CRPPA: variants seen among roughly 807,000 people sequenced by gnomAD.
CRPPA encodes the protein D-ribitol-5-phosphate cytidylyltransferase.
A neutral mutation model predicts 52.0 loss-of-function variants in CRPPA; 43 were observed. The observed-to-expected ratio is 0.83, with a 90% CI of 0.65 to 1.07. CRPPA has a LOEUF of 1.07. Among genes scored for constraint, CRPPA ranks in the 50% least tolerant of loss-of-function variants. The probability of loss-of-function intolerance (pLI) is 0.00; values close to 1 mark genes in which losing one functional copy is unlikely to be tolerated. For synonymous variants in CRPPA, 250 were observed against 203.5 expected, an observed-to-expected ratio of 1.23 and a Z score of -1.94; for missense variants, 629 against 551.7, an observed-to-expected ratio of 1.14 and a Z score of -1.40.
At chr7:16,241,971 T>TTTTTGGTGGG (rs1783123848) in intron 8 of CRPPA, among the ~76,000 whole-genome samples, 1 of 86,162 alleles carries the variant, frequency 1.2e-5, no homozygotes, top group Admixed American at 1.5e-4. Context: ...TTTTTTTTGT[T>TTTTTGGTGGG]GGGGGGAGAT....
chr7:16,137,660 C>G (rs548054466), intron 9 of CRPPA, among the ~76,000 whole-genome samples: 2 of 152,148 alleles, frequency 1.3e-5, no homozygotes, highest in South Asian at 4.2e-4. Context: ...TTATCTGATC[C>G]CAACAAGACG....
chr7:16,335,080 G>T (rs920250366), intron 3 of CRPPA, among the ~76,000 whole-genome samples: 2 of 150,496 alleles, frequency 1.3e-5, no homozygotes, highest in Non-Finnish European at 2.9e-5. Context: ...AGCAATCTGG[G>T]AGGCTGAGGC....
intron 2 of CRPPA, among the ~76,000 whole-genome samples, chr7:16,378,928 C>G (rs1460095644): frequency 6.6e-6 from 1 of 152,088 alleles, no homozygotes; most frequent in African/African-American, 2.4e-5. Flanking sequence ...AGTGTCTGTT[C>G]ATCTCCTTCA....
intron 2 of CRPPA, among the ~76,000 whole-genome samples, chr7:16,381,543 C>T (rs1787089370): frequency 6.6e-6 from 1 of 151,922 alleles, no homozygotes; most frequent in Non-Finnish European, 1.5e-5. Flanking sequence ...TCCTGGGTAT[C>T]CTTGTTAACT....
chr7:16,401,447 A>T (rs1195086590), intron 2 of CRPPA, among the ~76,000 whole-genome samples: 1 of 152,220 alleles, frequency 6.6e-6, no homozygotes, highest in Non-Finnish European at 1.5e-5. Flanking sequence ...AGAAGTGTGT[A>T]AGAAGTTGAT....
intron 9 of CRPPA, among the ~76,000 whole-genome samples, chr7:16,159,555 T>C (rs1436930136): frequency 6.6e-6 from 1 of 152,220 alleles, no homozygotes; most frequent in Non-Finnish European, 1.5e-5. Context: ...TTTTTATGGC[T>C]ACATAGTATT....
intron 2 of CRPPA, among the ~76,000 whole-genome samples, chr7:16,398,191 A>G (rs1017228578): frequency 2.6e-5 from 4 of 152,052 alleles, no homozygotes; most frequent in Non-Finnish European, 5.9e-5. Flanking sequence ...TGTTGCCAAC[A>G]TGACACGTGA....
intron 3 of CRPPA, among the ~76,000 whole-genome samples, chr7:16,354,824 T>A (rs184044357): frequency 5.3e-4 from 81 of 152,302 alleles, no homozygotes; most frequent in Admixed American, 5.1e-3. Flanking sequence ...TCATCTTTTT[T>A]AATATATATT....
chr7:16,259,360 A>T (rs968100768), intron 6 of CRPPA, among the ~76,000 whole-genome samples: 1 of 152,016 alleles, frequency 6.6e-6, no homozygotes, highest in Non-Finnish European at 1.5e-5. Context: ...GGGTGCAGTG[A>T]TGATTGCAGG....
At chr7:16,135,103 A>T (rs925028465) in intron 9 of CRPPA, among the ~76,000 whole-genome samples, 2 of 152,202 alleles carry the variant, frequency 1.3e-5, no homozygotes, top group Non-Finnish European at 2.9e-5. Context: ...AGCAATGGGG[A>T]AGGATGAATG....
chr7:16,216,901 CA>C (rs1396101592), intron 8 of CRPPA, among the ~76,000 whole-genome samples: 1 of 151,968 alleles, frequency 6.6e-6, no homozygotes, highest in Non-Finnish European at 1.5e-5. Context: ...CTTAGGTAAA[CA>C]AAGCAGCCGG....
intron 3 of CRPPA, among the ~76,000 whole-genome samples, chr7:16,370,685 T>A (rs1786725520): frequency 6.6e-6 from 1 of 152,116 alleles, no homozygotes. Flanking sequence ...TGCAGTGCTG[T>A]GCAGTAGGGA....
intron 5 of CRPPA, among the ~76,000 whole-genome samples, chr7:16,299,059 G>A (rs1784733643): frequency 1.3e-5 from 2 of 152,118 alleles, no homozygotes; most frequent in African/African-American, 2.4e-5. Context: ...ATCTATGTAT[G>A]CATCTTATCT....
At chr7:16,411,152 G>A (rs549772225) in intron 1 of CRPPA, among the ~76,000 whole-genome samples, 6 of 152,204 alleles carry the variant, frequency 3.9e-5, no homozygotes, top group East Asian at 3.9e-4. Flanking sequence ...AGAATATTTC[G>A]CCTGCAATAT....
intron 8 of CRPPA, among the ~76,000 whole-genome samples, chr7:16,244,826 C>A (rs909956389): frequency 4.6e-5 from 7 of 152,056 alleles, no homozygotes; most frequent in African/African-American, 1.7e-4. Flanking sequence ...CAAATCTCAG[C>A]CAAGACAAAA....
intron 1 of CRPPA, among the ~76,000 whole-genome samples, chr7:16,418,158 G>A (rs559310813): frequency 6.6e-6 from 1 of 152,286 alleles, no homozygotes; most frequent in Admixed American, 6.5e-5. Flanking sequence ...TTGGCAAATG[G>A]CCAAGCAGCA....
At chr7:16,337,127 C>T (rs1785702163) in intron 3 of CRPPA, among the ~76,000 whole-genome samples, 1 of 152,064 alleles carries the variant, frequency 6.6e-6, no homozygotes, top group South Asian at 2.1e-4. Context: ...ATCAAATGGA[C>T]ATAATGGACA....
chr7:16,358,954 T>G lies in CRPPA; in HGVS notation c.684+17138A>C, dbSNP rs541844210. Among the ~76,000 whole-genome samples, 114 of 152,286 alleles carry G rather than the reference T, an allele frequency of 7.5e-4. 1 individual carries two copies. The highest frequency in any genetic ancestry group is 1.4e-3 in the Admixed American group (22 of 15,302). On this transcript the variant is annotated intron_variant, in intron 3 of 9. Transcript: ENST00000407010. ...CTTTGAAATAATGTAAAGAAAAAAATAGATTTTTATTTGTTAAATCCATAA... is the reference window on the plus strand; with the variant it reads ...CTTTGAAATAATGTAAAGAAAAAAAGAGATTTTTATTTGTTAAATCCATAA...
At chr7:16,166,967 C>T (rs1259486163) in intron 9 of CRPPA, among the ~76,000 whole-genome samples, 2 of 149,508 alleles carry the variant, frequency 1.3e-5, no homozygotes, top group East Asian at 2.0e-4. Flanking sequence ...CTCGTGCTTT[C>T]GCCCAGGCTG....
Sources: gnomAD v4.1 joint callset for allele counts (sites outside exome capture counted in the v4.1 genomes callset) on GRCh38, gnomAD v4.1.1 for gene constraint, MANE v1.5 for transcripts, NCBI Gene and HGNC (gene_info 2026-07-23, HGNC 2026-07-21) for gene names.